The following SRGAP2 variants were observed in gnomAD, a reference collection of about 807,000 sequenced individuals.
SRGAP2 encodes the protein SLIT-ROBO Rho GTPase-activating protein 2.
SRGAP2 carries 15 observed loss-of-function variants against 57.2 expected under a neutral mutation model. That is an observed-to-expected ratio of 0.26 (90% confidence interval 0.18 to 0.40). The LOEUF is 0.40. SRGAP2 is among the 10% of genes least tolerant of loss of function. The pLI, the probability that SRGAP2 is intolerant of heterozygous loss-of-function variation, is 1.00. For missense variants in SRGAP2, 520 were observed against 669.6 expected (o/e 0.78, Z 2.47); for synonymous variants, 249 against 248.0 (o/e 1.00, Z -0.04).
intron 17 of SRGAP2, among the ~76,000 whole-genome samples, chr1:206,445,788 G>A (rs1572174676): frequency 6.6e-6 from 1 of 152,292 alleles, no homozygotes; most frequent in East Asian, 1.9e-4. Context: ...CCGGGGATAG[G>A]GATGAGGATG....
chr1:206,205,653 C>A lies in SRGAP2; in HGVS notation c.-318C>A. The A allele has an allele frequency of 3.0e-6, 1 of 337,676 alleles. No homozygotes were observed. Among genetic ancestry groups the A allele is most frequent in the South Asian group, 2.6e-5 (1 of 39,208 alleles). 20.9% of individuals were successfully genotyped at this position (337,676 alleles called of 1,614,324 possible). On this transcript the variant is annotated 5_prime_UTR_variant, in exon 2 of 23. Transcript: ENST00000573034. ...TGTTGTGCGGAAGGACTTCCACTCC[C>A]CGCCTGTGTCGTTGATGTCAGACCC...
chr1:206,436,019 G>C (rs1335940557), intron 14 of SRGAP2, among the ~76,000 whole-genome samples: 1 of 152,132 alleles, frequency 6.6e-6, no homozygotes, highest in Non-Finnish European at 1.5e-5. Flanking sequence ...TTCATAGCAA[G>C]CTTGTTCAAC....
chr1:206,430,313 C>G, intron 14 of SRGAP2, 91 bp downstream of exon 14: 1 of 743,812 alleles, frequency 1.3e-6, no homozygotes, highest in Admixed American at 1.8e-5. Context: ...AGATTGACTT[C>G]CCATCCTGGC....
chr1:206,265,853 A>G (rs1221233878), intron 2 of SRGAP2, among the ~76,000 whole-genome samples: 4 of 146,330 alleles, frequency 2.7e-5, no homozygotes, highest in Non-Finnish European at 4.6e-5. Flanking sequence ...TGGTATATTG[A>G]TTTAACTTAA....
chr1:206,383,664 AC>A (rs1186403155), intron 4 of SRGAP2, among the ~76,000 whole-genome samples: 3 of 148,816 alleles, frequency 2.0e-5, no homozygotes, highest in Non-Finnish European at 4.4e-5. Flanking sequence ...GGAATGCTTG[AC>A]TGCAAGTATC....
chr1:206,435,849 C>T (rs1661688486), intron 14 of SRGAP2, among the ~76,000 whole-genome samples: 1 of 152,172 alleles, frequency 6.6e-6, no homozygotes, highest in Non-Finnish European at 1.5e-5. Flanking sequence ...AGTCACTATG[C>T]CAGCATTTTT....
Position 206,454,021 on chromosome 1 carries a change from T to C in SRGAP2, c.2360+641T>C, listed in dbSNP as rs1179620492. ...GTTGATTCTCACACTTTGAAGCAGT[T>C]GTCCCGTGGGCCCACCCAAGCCTGC... On this transcript the variant is annotated intron_variant, in intron 20 of 22. Transcript: ENST00000573034. This position sits in a 1 kb window ranked among gnomAD's most constrained non-coding sequence, Gnocchi z 4.3. The C allele has an allele frequency of 3.0e-6, 2 of 670,636 alleles. No homozygotes were observed. Among genetic ancestry groups the C allele is most frequent in the African/African-American group, 3.5e-5 (2 of 56,498 alleles). 41.5% of individuals were successfully genotyped at this position (670,636 alleles called of 1,614,324 possible). A position where few individuals can be genotyped will look rare whatever the true frequency, so the allele number is the denominator to read the frequency against.
chr1:206,228,941 G>GC (rs1667448774), intron 2 of SRGAP2, among the ~76,000 whole-genome samples: 1 of 149,746 alleles, frequency 6.7e-6, no homozygotes, highest in Non-Finnish European at 1.5e-5. Context: ...GAACCTGTAA[G>GC]CCTGGGGTTC....
intron 18 of SRGAP2, among the ~76,000 whole-genome samples, chr1:206,449,420 T>TA (rs1233092360): frequency 6.7e-6 from 1 of 149,712 alleles, no homozygotes; most frequent in Non-Finnish European, 1.5e-5. Flanking sequence ...GCCTCCAGAG[T>TA]AGCTAGAACC....
In SRGAP2 at chr1:206,285,999, A is replaced by AT. The variant is rs1414667169; in HGVS notation, c.68-17281dup. Among the ~76,000 whole-genome samples the AT allele has an allele frequency of 3.3e-5, 5 of 152,178 alleles. No individual in the cohort carries two copies. In the East Asian group the frequency reaches 9.6e-4, roughly 29 times the overall value. ...TTTTTGAGTTTCAGGATGCCAACAG[A>AT]TCCTGGATTCTGGCATCTGGATTAT... On this transcript the variant is annotated intron_variant, in intron 2 of 22. Coordinates refer to ENST00000573034, the MANE Select transcript of SRGAP2 (RefSeq NM_015326.5).
At chr1:206,440,678 G>T (rs1486897234) in intron 17 of SRGAP2, among the ~76,000 whole-genome samples, 3 of 151,866 alleles carry the variant, frequency 2.0e-5, no homozygotes, top group Admixed American at 6.6e-5. Flanking sequence ...CTCCTGAGTA[G>T]CTGGGACCCA....
At chr1:206,391,615 G>GCGCACA (rs868938323) in intron 5 of SRGAP2, among the ~76,000 whole-genome samples, 1 of 115,478 alleles carries the variant, frequency 8.7e-6, no homozygotes, top group African/African-American at 3.8e-5. Flanking sequence ...ACACACACAT[G>GCGCACA]CACACACACA....
intron 3 of SRGAP2, among the ~76,000 whole-genome samples, chr1:206,327,030 C>CA (rs67321292): frequency 1.7e-4 from 26 of 149,944 alleles, no homozygotes; most frequent in East Asian, 3.9e-4. Flanking sequence ...CCCATCTCTG[C>CA]AAAAAAAAAG....
intron 5 of SRGAP2, among the ~76,000 whole-genome samples, chr1:206,390,931 T>A (rs1251013273): frequency 1.3e-5 from 2 of 152,172 alleles, no homozygotes; most frequent in Non-Finnish European, 2.9e-5. Context: ...ATTTTGTCAG[T>A]GTCCCAGTAT....
chr1:206,366,399 G>A (rs548902296), intron 4 of SRGAP2, among the ~76,000 whole-genome samples: 12 of 152,316 alleles, frequency 7.9e-5, no homozygotes, highest in African/African-American at 2.4e-4. Context: ...GGTGTTTTGA[G>A]GAGCCCTGTA....
chr1:206,262,929 A>G (rs1357853043), intron 2 of SRGAP2, among the ~76,000 whole-genome samples: 2 of 95,982 alleles, frequency 2.1e-5, no homozygotes, highest in African/African-American at 8.4e-5. Context: ...ATTGTTGGAT[A>G]TTTTCCTACA....
chr1:206,279,626 C>A, intron 2 of SRGAP2, among the ~76,000 whole-genome samples: 1 of 138,066 alleles, frequency 7.2e-6, no homozygotes, highest in South Asian at 2.5e-4. Flanking sequence ...CTTATTTTGC[C>A]CAGGCTGGTC....
rs1553382110 is a variant in SRGAP2 at position 206,464,252 on chromosome 1, T to G, written c.*2832T>G. 2 of 152,668 alleles carry G rather than the reference T, an allele frequency of 1.3e-5. No individual in the cohort carries two copies. Among genetic ancestry groups the G allele is most frequent in the African/African-American group, 4.8e-5 (2 of 41,462 alleles). The allele number at this position is 152,668 out of a possible 1,614,324, so 9.5% of individuals were successfully genotyped here. The stretch of plus-strand genomic sequence containing the variant: ...CATCTTCCAGGGAATCGCAATGTTG[T>G]GGCGTCTGACTTGTATGTCACATTT... On this transcript the variant is annotated 3_prime_UTR_variant, in exon 23 of 23. Coordinates refer to ENST00000573034, the MANE Select transcript of SRGAP2 (RefSeq NM_015326.5).
In SRGAP2 at chr1:206,463,308, A is replaced by G. The variant is rs572783087; in HGVS notation, c.*1888A>G. 1 of 152,714 alleles carries G rather than the reference A, an allele frequency of 6.5e-6. No homozygotes were observed. The highest frequency in any genetic ancestry group is 6.5e-5 in the Admixed American group (1 of 15,304). The allele number at this position is 152,714 out of a possible 1,614,324, so 9.5% of individuals were successfully genotyped here. A position where few individuals can be genotyped will look rare whatever the true frequency, so the allele number is the denominator to read the frequency against. On this transcript the variant is annotated 3_prime_UTR_variant, in exon 23 of 23. Coordinates refer to ENST00000573034, the MANE Select transcript of SRGAP2 (RefSeq NM_015326.5). ...TGAGTCAGCCTAGAAGAGGCAACCC[A>G]CAGTCTTGATTTTTGTTGCTGTTTC...
Sources: gnomAD v4.1 joint callset for allele counts (sites outside exome capture counted in the v4.1 genomes callset) on GRCh38, gnomAD v4.1.1 for gene constraint, Gnocchi (gnomAD v3.1) non-coding constraint, MANE v1.5 for transcripts, NCBI Gene and HGNC (gene_info 2026-07-23, HGNC 2026-07-21) for gene names.